Variants in SPOPL observed in about 807,000 individuals in gnomAD.
SPOPL encodes speckle-type POZ protein-like.
A neutral mutation model predicts 53.8 loss-of-function variants in SPOPL; 23 were observed. That is an observed-to-expected ratio of 0.43 (90% confidence interval 0.31 to 0.61). The LOEUF is 0.61. Ranked by LOEUF, SPOPL falls within the 20% of genes least tolerant of loss-of-function variation. SPOPL has a pLI of 0.12. For missense variants in SPOPL, 442 were observed against 466.9 expected, an observed-to-expected ratio of 0.95 and a Z score of 0.49; for synonymous variants, 164 against 149.7, an observed-to-expected ratio of 1.10 and a Z score of -0.70.
At position 138,502,780 on chromosome 2, in the gene SPOPL, CT is replaced by C. The variant is rs540532021; in HGVS notation, c.-61+666del. On this transcript the variant is annotated intron_variant, in intron 1 of 10. Coordinates refer to ENST00000280098, the MANE Select transcript of SPOPL (RefSeq NM_001001664.3). ...GCCCACTTGTATTCCTGCTGCTCTC[CT>C]TTTTCCTAATTCTTTTTGAGTCAAT... 2.6e-5 allele frequency among the ~76,000 whole-genome samples: 4 copies of C among 152,312 alleles called. No individual in the cohort carries two copies. The East Asian group carries it at 5.8e-4, about 22-fold the overall frequency.
At chr2:138,536,040 T>C (rs6740372) in intron 1 of SPOPL, among the ~76,000 whole-genome samples, 27,680 of 152,098 alleles carry the variant, frequency 0.18, 3,418 homozygotes, top group East Asian at 0.6. Context: ...ATTGTCATCA[T>C]ACCTTCCTCT....
At chr2:138,532,571 C>A (rs1160567548) in intron 1 of SPOPL, among the ~76,000 whole-genome samples, 1 of 149,346 alleles carries the variant, frequency 6.7e-6, no homozygotes, top group Non-Finnish European at 1.5e-5. Flanking sequence ...GGACTACAGG[C>A]GCCTACCACC....
chr2:138,542,831 C>T (rs1441916274), intron 1 of SPOPL, among the ~76,000 whole-genome samples: 4 of 152,122 alleles, frequency 2.6e-5, no homozygotes, highest in African/African-American at 9.7e-5. Context: ...TTCCTAGCCT[C>T]GATGGTCTTT....
chr2:138,524,395 C>G (rs1346059287), intron 1 of SPOPL, among the ~76,000 whole-genome samples: 1 of 152,202 alleles, frequency 6.6e-6, no homozygotes, highest in African/African-American at 2.4e-5. Context: ...CTGACATGCC[C>G]TGGAGACATT....
chr2:138,511,060 A>G (rs1157720417), intron 1 of SPOPL, among the ~76,000 whole-genome samples: 4 of 152,166 alleles, frequency 2.6e-5, no homozygotes, highest in African/African-American at 7.2e-5. Flanking sequence ...TTAAAGTGCA[A>G]CCTTTATCCT....
chr2:138,526,503 A>G (rs146540835), intron 1 of SPOPL, among the ~76,000 whole-genome samples: 1,647 of 152,200 alleles, frequency 0.011, 32 homozygotes, highest in African/African-American at 0.037. Context: ...TTAATTTTTT[A>G]GTATGTTTTA....
intron 1 of SPOPL, among the ~76,000 whole-genome samples, chr2:138,527,605 T>A (rs1013673234): frequency 2.0e-5 from 3 of 152,252 alleles, no homozygotes; most frequent in African/African-American, 7.2e-5. Context: ...AGAAATTTTT[T>A]AAAAGTATAC....
chr2:138,532,420 C>CTTTTTTTTTTTTT, intron 1 of SPOPL, among the ~76,000 whole-genome samples: 1 of 53,224 alleles, frequency 1.9e-5, no homozygotes, highest in Non-Finnish European at 3.4e-5. Flanking sequence ...TTTTTGTTCG[C>CTTTTTTTTTTTTT]TTTTTTTTTT....
In SPOPL at chr2:138,541,005, T is replaced by C. The variant is rs189630756; in HGVS notation, c.-60-9152T>C. On this transcript the variant is annotated intron_variant, in intron 1 of 10. Transcript: ENST00000280098. ...TTCTGCATCTATTGAGATAATCATATGGTTTTTTTCATTGTTTCTGTTTAT... is the reference window on the plus strand; with the variant it reads ...TTCTGCATCTATTGAGATAATCATACGGTTTTTTTCATTGTTTCTGTTTAT... Among the ~76,000 whole-genome samples the C allele has an allele frequency of 6.6e-4, 100 of 152,316 alleles. 1 individual carries two copies. Among genetic ancestry groups the C allele is most frequent in the African/African-American group, 2.1e-3 (86 of 41,568 alleles).
chr2:138,502,632 C>T (rs1290593545), intron 1 of SPOPL, among the ~76,000 whole-genome samples: 1 of 152,192 alleles, frequency 6.6e-6, no homozygotes, highest in Non-Finnish European at 1.5e-5. Flanking sequence ...AGACCGCTCA[C>T]TACCTCCAGT....
chr2:138,556,570 C>T (rs1452705924), intron 5 of SPOPL, among the ~76,000 whole-genome samples: 1 of 152,126 alleles, frequency 6.6e-6, no homozygotes, highest in Admixed American at 6.5e-5. Context: ...TTAACACCAA[C>T]ATTTTTTGTG....
At position 138,571,979 on chromosome 2, in the gene SPOPL, C is replaced by A. The variant is rs1685791948; in HGVS notation, c.*2899C>A. The A allele has an allele frequency of 6.6e-6, 1 of 152,264 alleles. No individual in the cohort carries two copies. Among genetic ancestry groups the A allele is most frequent in the South Asian group, 2.1e-4 (1 of 4,802 alleles). 9.4% of individuals were successfully genotyped at this position (152,264 alleles called of 1,614,324 possible). ...TGTCTTGAATTGGTAATTGGAGAAC[C>A]TTGCATGAAATATGTGATCGTGTGT... is the stretch of plus-strand genomic sequence containing the variant. On this transcript the variant is annotated 3_prime_UTR_variant, in exon 11 of 11. Transcript: ENST00000280098.
At chr2:138,526,165 A>G (rs1401779771) in intron 1 of SPOPL, among the ~76,000 whole-genome samples, 1 of 152,196 alleles carries the variant, frequency 6.6e-6, no homozygotes, top group African/African-American at 2.4e-5. Context: ...TTTTAAATCT[A>G]GAAATAGATG....
chr2:138,541,534 GGT>G (rs1352212785), intron 1 of SPOPL, among the ~76,000 whole-genome samples: 1 of 152,172 alleles, frequency 6.6e-6, no homozygotes, highest in Non-Finnish European at 1.5e-5. Flanking sequence ...TTTGCATAGA[GGT>G]GTTTATAGTC....
chr2:138,541,098 T>A (rs1426482645), intron 1 of SPOPL, among the ~76,000 whole-genome samples: 2 of 152,230 alleles, frequency 1.3e-5, no homozygotes, highest in Non-Finnish European at 2.9e-5. Context: ...GAAGCCCACT[T>A]GTTCATCATG....
At chr2:138,505,851 T>G (rs1477248583) in intron 1 of SPOPL, among the ~76,000 whole-genome samples, 2 of 152,042 alleles carry the variant, frequency 1.3e-5, no homozygotes, top group Non-Finnish European at 2.9e-5. Context: ...CACCAATCCA[T>G]TAGGGAATGC....
intron 1 of SPOPL, among the ~76,000 whole-genome samples, chr2:138,532,448 A>G (rs1186302636): frequency 4.0e-5 from 4 of 99,492 alleles, no homozygotes; most frequent in East Asian, 3.4e-4. Context: ...TTTTTTTGAG[A>G]TAGAATCTCG....
chr2:138,519,236 T>G (rs897341545), intron 1 of SPOPL, among the ~76,000 whole-genome samples: 2 of 152,224 alleles, frequency 1.3e-5, no homozygotes, highest in African/African-American at 4.8e-5. Flanking sequence ...ATTAATTCTT[T>G]ACTAGTGGTT....
At chr2:138,559,243 C>T in intron 6 of SPOPL, 39 bp from the exon 7 acceptor site, 1 of 1,609,980 alleles carries the variant, frequency 6.2e-7, no homozygotes, top group Non-Finnish European at 8.5e-7. Flanking sequence ...TAAAAAAATG[C>T]ATTTATGCAT....
Sources: allele counts gnomAD v4.1 joint callset (sites outside exome capture counted in the v4.1 genomes callset), GRCh38; gene constraint gnomAD v4.1.1; transcripts MANE v1.5; gene names NCBI Gene and HGNC (gene_info 2026-07-23, HGNC 2026-07-21).